The following TRPM3 variants were observed in gnomAD, a reference collection of about 807,000 sequenced individuals.
TRPM3 encodes the protein long transient receptor potential channel 3.
In TRPM3, 77 loss-of-function variants were observed where a neutral mutation model predicts 181.2. That is an observed-to-expected ratio of 0.42 (90% confidence interval 0.35 to 0.51). TRPM3 has a LOEUF of 0.51. TRPM3 is among the 20% of genes least tolerant of loss of function. The pLI is 0.01. For synonymous variants in TRPM3, 745 were observed against 796.4 expected (o/e 0.94, Z 1.09); for missense variants, 1,759 against 2,196.7 (o/e 0.80, Z 3.98).
At position 70,616,008 on chromosome 9, in the gene TRPM3, G is replaced by A. The variant is rs2062722604; in HGVS notation, c.2426C>T (p.Pro809Leu). 6.2e-7 allele frequency: 1 copy of A among 1,611,710 alleles called. No homozygotes were observed. Among genetic ancestry groups the A allele is most frequent in the African/African-American group, 1.3e-5 (1 of 74,740 alleles). ...GATTTCCTGGGCCTGAGACATATAGGGCATGTCGTCTTTGTTCTTGAACTC... is the reference window on the plus strand; with the variant it reads ...GATTTCCTGGGCCTGAGACATATAGAGCATGTCGTCTTTGTTCTTGAACTC... ...SLEFKNKDDM[P>L]YMSQAQEIHL... Residue 809 changes from proline to leucine, a missense_variant, in exon 18 of 26, where the codon CCC becomes CTC. Transcript: ENST00000677713.
chr9:71,266,659 G>A (rs1403413998), intron 1 of TRPM3, among the ~76,000 whole-genome samples: 1 of 152,124 alleles, frequency 6.6e-6, no homozygotes, highest in Non-Finnish European at 1.5e-5. Flanking sequence ...AAAATTGCAT[G>A]TGTATAATAC....
In TRPM3 at chr9:71,074,176, T is replaced by C. The variant is rs144784678; in HGVS notation, c.177+47002A>G. Among the ~76,000 whole-genome samples, 673 of 152,302 alleles carry C rather than the reference T, an allele frequency of 4.4e-3. 2 individuals are homozygous for C. Among genetic ancestry groups the C allele is most frequent in the Middle Eastern group, 0.017 (5 of 294 alleles). ...CCAGAACAGGTAAGGCATATATGGTTATCTCTTATTTAAATTATTGTCCAA... is the reference window on the plus strand; with the variant it reads ...CCAGAACAGGTAAGGCATATATGGTCATCTCTTATTTAAATTATTGTCCAA... On this transcript the variant is annotated intron_variant, in intron 1 of 25. Coordinates refer to ENST00000677713, the MANE Select transcript of TRPM3 (RefSeq NM_001366145.2).
chr9:70,701,813 A>G lies in TRPM3; in HGVS notation c.1273-20235T>C, dbSNP rs1283682966. Among the ~76,000 whole-genome samples, 3 of 152,312 alleles carry G rather than the reference A, an allele frequency of 2.0e-5. No individual in the cohort carries two copies. In the East Asian group the frequency reaches 5.8e-4, roughly 29 times the overall value. On this transcript the variant is annotated intron_variant, in intron 8 of 25. Coordinates refer to ENST00000677713, the MANE Select transcript of TRPM3 (RefSeq NM_001366145.2). ...TAGAAGTGAGCTCTTAACAGTAATG[A>G]AAGCAACTGCAGTGTCCACCGCTCC...
chr9:71,420,690 G>A (rs1372777536), intron 1 of TRPM3, among the ~76,000 whole-genome samples: 15 of 6,786 alleles, frequency 2.2e-3, no homozygotes, highest in East Asian at 7.7e-3. Flanking sequence ...AAAGAGAAAG[G>A]GAAAGAGAAA....
intron 1 of TRPM3, among the ~76,000 whole-genome samples, chr9:71,150,137 C>A (rs965433906): frequency 1.3e-5 from 2 of 151,618 alleles, no homozygotes; most frequent in African/African-American, 4.8e-5. Flanking sequence ...TTTAAAAATA[C>A]AAGAGATTGT....
chr9:71,321,671 G>C (rs2132469710), intron 1 of TRPM3, among the ~76,000 whole-genome samples: 1 of 152,200 alleles, frequency 6.6e-6, no homozygotes, highest in Admixed American at 6.6e-5. Context: ...GAACTTCCTG[G>C]TAAGTATAAT....
At chr9:70,849,065 T>TTATAGA (rs2095113645) in intron 3 of TRPM3, among the ~76,000 whole-genome samples, 1 of 151,912 alleles carries the variant, frequency 6.6e-6, no homozygotes, top group Admixed American at 6.6e-5. Context: ...TGAGAGCAGA[T>TTATAGA]TATAGATATT....
At chr9:70,851,015 A>G (rs2095205981) in intron 3 of TRPM3, among the ~76,000 whole-genome samples, 1 of 152,206 alleles carries the variant, frequency 6.6e-6, no homozygotes, top group African/African-American at 2.4e-5. Flanking sequence ...AAGATTTCAG[A>G]GTAATTCCTA....
intron 1 of TRPM3, among the ~76,000 whole-genome samples, chr9:71,110,354 A>T (rs1487577467): frequency 1.3e-5 from 2 of 152,210 alleles, no homozygotes; most frequent in African/African-American, 4.8e-5. Flanking sequence ...AAAGCAATGA[A>T]AATTAGAATA....
At chr9:70,700,044 G>A (rs967327695) in intron 8 of TRPM3, among the ~76,000 whole-genome samples, 1 of 152,118 alleles carries the variant, frequency 6.6e-6, no homozygotes, top group African/African-American at 2.4e-5. Flanking sequence ...GTGTAATGGT[G>A]TGATCTTGGT....
At chr9:70,541,475 G>A (rs1932701) in intron 25 of TRPM3, among the ~76,000 whole-genome samples, 129,248 of 150,708 alleles carry the variant, frequency 0.86, 55,588 homozygotes, top group East Asian at 0.97. Flanking sequence ...AAGGTTACCT[G>A]TGTTTGTTTC....
intron 3 of TRPM3, among the ~76,000 whole-genome samples, chr9:70,849,591 A>G (rs2095141504): frequency 6.6e-6 from 1 of 152,216 alleles, no homozygotes; most frequent in Non-Finnish European, 1.5e-5. Flanking sequence ...ATAAAATAAC[A>G]TCTAATTTAC....
In TRPM3 at chr9:71,415,371, T is replaced by C. The variant is rs576314208; in HGVS notation, c.183+31282A>G. On this transcript the variant is annotated intron_variant, in intron 1 of 24. Transcript: ENST00000357533. ...TATTAGCCACATGAAAACAATACTG[T>C]CATGATTAGATGTAAATATGGTAGA... Among the ~76,000 whole-genome samples the C allele has an allele frequency of 2.0e-5, 3 of 152,216 alleles. No individual in the cohort carries two copies. The South Asian group carries it at 6.2e-4, about 32-fold the overall frequency.
intron 6 of TRPM3, among the ~76,000 whole-genome samples, chr9:70,792,348 C>CA (rs1385409119): frequency 6.6e-6 from 1 of 151,266 alleles, no homozygotes; most frequent in Non-Finnish European, 1.5e-5. Context: ...AGCCAATGAA[C>CA]AAAAAAGCCA....
intron 1 of TRPM3, chr9:70,865,221 C>T (rs2095624324): frequency 6.6e-6 from 1 of 152,062 alleles, no homozygotes; most frequent in East Asian, 1.9e-4. Flanking sequence ...TGGGTCCATC[C>T]ACCCAGAAGT....
chr9:71,058,372 G>A (rs772194652), intron 1 of TRPM3, among the ~76,000 whole-genome samples: 3 of 151,956 alleles, frequency 2.0e-5, no homozygotes, highest in African/African-American at 4.8e-5. Flanking sequence ...AACCAGGGAC[G>A]GAGACTGCAC....
At chr9:71,279,066 A>AAAAAAAAAC (rs2084481453) in intron 1 of TRPM3, among the ~76,000 whole-genome samples, 1 of 150,262 alleles carries the variant, frequency 6.7e-6, no homozygotes, top group South Asian at 2.1e-4. Context: ...TAAAAATAAA[A>AAAAAAAAAC]AAACCACCAA....
intron 1 of TRPM3, among the ~76,000 whole-genome samples, chr9:70,927,120 T>C (rs1453230993): frequency 2.6e-5 from 4 of 152,228 alleles, no homozygotes; most frequent in Admixed American, 1.3e-4. Context: ...ACTACCAACA[T>C]ACTGAAATGT....
chr9:70,899,535 G>T (rs1413531152), intron 1 of TRPM3, among the ~76,000 whole-genome samples: 1 of 152,054 alleles, frequency 6.6e-6, no homozygotes. Flanking sequence ...TTTTTCTTGT[G>T]CTGCTTCCTT....
Sources: gnomAD v4.1 joint callset for allele counts (sites outside exome capture counted in the v4.1 genomes callset) on GRCh38, gnomAD v4.1.1 for gene constraint, MANE v1.5 for transcripts, NCBI Gene and HGNC (gene_info 2026-07-23, HGNC 2026-07-21) for gene names.